The following ODF2L variants were observed in gnomAD, a reference collection of about 807,000 sequenced individuals.
The protein encoded by ODF2L is protein BCAP.
ODF2L carries 76 observed loss-of-function variants against 86.3 expected under a neutral mutation model. That is an observed-to-expected ratio of 0.88 (90% CI 0.73 to 1.07). The LOEUF is 1.07. ODF2L is among the 50% of genes least tolerant of loss of function. ODF2L has a pLI of 0.00. For missense variants in ODF2L, 748 were observed against 717.4 expected, an observed-to-expected ratio of 1.04 and a Z score of -0.49; for synonymous variants, 241 against 231.3, an observed-to-expected ratio of 1.04 and a Z score of -0.38.
chr1:86,393,194 C>G (rs543054409), intron 1 of ODF2L, among the ~76,000 whole-genome samples: 1 of 152,168 alleles, frequency 6.6e-6, no homozygotes, highest in South Asian at 2.1e-4. Context: ...GCATATGAAA[C>G]CTGCACATTT....
intron 7 of ODF2L, 95 bp downstream of exon 7, chr1:86,382,147 T>C (rs996058916): frequency 7.2e-7 from 1 of 1,397,352 alleles, no homozygotes; most frequent in Admixed American, 3.0e-5. Flanking sequence ...CTGTGTATTT[T>C]AAAACCACCA....
At position 86,372,534 on chromosome 1, in the gene ODF2L, T is replaced by A. The variant is rs762745611; in HGVS notation, c.817A>T (p.Lys273Ter). 2 of 1,497,242 alleles carry A rather than the reference T, an allele frequency of 1.3e-6. No individual in the cohort carries two copies. Among genetic ancestry groups the A allele is most frequent in the Admixed American group, 2.5e-5 (1 of 40,572 alleles). The allele number at this position is 1,497,242 out of a possible 1,614,324, so 92.7% of individuals were successfully genotyped here. A position where few individuals can be genotyped will look rare whatever the true frequency, so the allele number is the denominator to read the frequency against. ...GAAGCTGAAATTGTTTCAGACAACT[T>A]GGCTTCCTAAAAAATACATAAAAGT... is the stretch of plus-strand genomic sequence containing the variant. Residue 273 changes from lysine (K) to a stop codon, truncating the protein, a stop_gained, in exon 9 of 18, where the codon AAG (lysine) becomes TAG (stop). Transcript: ENST00000317336. LOFTEE classifies it high-confidence loss of function.
chr1:86,391,186 T>G (rs564459557), intron 1 of ODF2L, among the ~76,000 whole-genome samples: 2 of 152,116 alleles, frequency 1.3e-5, no homozygotes, highest in Non-Finnish European at 2.9e-5. Context: ...AAAGAAATCA[T>G]AGATAACACA....
chr1:86,357,350 A>AT (rs200376282), intron 13 of ODF2L, among the ~76,000 whole-genome samples: 1,923 of 143,934 alleles, frequency 0.013, 68 homozygotes, highest in East Asian at 0.12. Flanking sequence ...ATAATGCAGT[A>AT]TTTTTTTTTT....
downstream of ODF2L, chr1:86,348,488 A>G (rs1216888224): frequency 5.2e-6 from 1 of 191,816 alleles, no homozygotes; most frequent in Non-Finnish European, 1.0e-5. Flanking sequence ...GTGTGAGAAA[A>G]ATATTCTAAC....
intron 14 of ODF2L, among the ~76,000 whole-genome samples, chr1:86,355,765 T>C (rs1195404444): frequency 6.7e-6 from 1 of 149,930 alleles, no homozygotes; most frequent in African/African-American, 2.5e-5. Flanking sequence ...TCCTACTTTT[T>C]AAGTGAGAAA....
intron 1 of ODF2L, among the ~76,000 whole-genome samples, chr1:86,395,376 T>C (rs1219795107): frequency 1.3e-5 from 2 of 152,152 alleles, no homozygotes; most frequent in African/African-American, 4.8e-5. Context: ...CTTAATCTCG[T>C]ATTACAACCA....
chr1:86,355,886 T>TAA (rs1658523734), intron 14 of ODF2L: 1 of 158,634 alleles, frequency 6.3e-6, no homozygotes, highest in Non-Finnish European at 1.4e-5. Flanking sequence ...TGTCACCATC[T>TAA]TTGGACTGCT....
chr1:86,379,382 A>G (rs1018389169), intron 7 of ODF2L, among the ~76,000 whole-genome samples: 4 of 152,228 alleles, frequency 2.6e-5, no homozygotes, highest in Non-Finnish European at 4.4e-5. Context: ...CAAAGATACT[A>G]TAGTGATTAT....
chr1:86,359,549 G>A (rs1389315941), intron 12 of ODF2L, among the ~76,000 whole-genome samples: 2 of 103,698 alleles, frequency 1.9e-5, no homozygotes, highest in Non-Finnish European at 3.6e-5. Context: ...TTGAGATGGA[G>A]TCTTGCTCTG....
At chr1:86,395,031 G>T (rs1256468830) in intron 1 of ODF2L, among the ~76,000 whole-genome samples, 1 of 152,002 alleles carries the variant, frequency 6.6e-6, no homozygotes, top group East Asian at 1.9e-4. Flanking sequence ...TTTTAGTAGA[G>T]ACGGGGTTTC....
At chr1:86,375,964 A>G (rs1660137765) in intron 8 of ODF2L, among the ~76,000 whole-genome samples, 1 of 152,026 alleles carries the variant, frequency 6.6e-6, no homozygotes, top group African/African-American at 2.4e-5. Flanking sequence ...GGCCAATAGA[A>G]CCTTTTTTTG....
In ODF2L at chr1:86,387,097, T is replaced by C. The variant is rs992596281; in HGVS notation, c.-59-11A>G. The C allele has an allele frequency of 1.5e-6, 1 of 689,016 alleles. No individual in the cohort carries two copies. Among genetic ancestry groups the C allele is most frequent in the Middle Eastern group, 3.0e-4 (1 of 3,378 alleles). The allele number at this position is 689,016 out of a possible 1,614,324, so 42.7% of individuals were successfully genotyped here. On this transcript the variant is annotated splice_polypyrimidine_tract_variant and intron_variant, in intron 1 of 17. Transcript: ENST00000317336. ...CACATAAGCTGAAAGCTAGGAAATA[T>C]TTTAGTTATTAAATTTATTTCAATA...
At chr1:86,355,223 TG>T (rs1658449837) in intron 14 of ODF2L, 2 of 682,508 alleles carry the variant, frequency 2.9e-6, no homozygotes, top group Non-Finnish European at 5.0e-6. Context: ...GTTTCTCTTA[TG>T]GTTTTCTGTT....
At chr1:86,384,489 T>A (rs1299544183) in intron 4 of ODF2L, among the ~76,000 whole-genome samples, 187 bp downstream of exon 4, 2 of 151,746 alleles carry the variant, frequency 1.3e-5, no homozygotes, top group East Asian at 3.8e-4. Context: ...AAAATACATT[T>A]TCTATAAAAA....
At chr1:86,372,238 CA>C (rs1659843986) in intron 9 of ODF2L, among the ~76,000 whole-genome samples, 192 bp downstream of exon 9, 1 of 149,808 alleles carries the variant, frequency 6.7e-6, no homozygotes, top group Non-Finnish European at 1.5e-5. Context: ...TTTTAATGAG[CA>C]ATCATTTTAA....
intron 4 of ODF2L, among the ~76,000 whole-genome samples, chr1:86,383,835 A>C (rs1660752349): frequency 6.6e-6 from 1 of 151,802 alleles, no homozygotes; most frequent in East Asian, 1.9e-4. Flanking sequence ...CTTTCTATTC[A>C]AAAAATATTC....
intron 12 of ODF2L, among the ~76,000 whole-genome samples, chr1:86,359,113 A>C (rs886317795): frequency 1.3e-5 from 2 of 152,106 alleles, no homozygotes; most frequent in African/African-American, 4.8e-5. Flanking sequence ...CAATACTTCT[A>C]AACTCTCCAC....
exon 18 of ODF2L, chr1:86,352,128 TTTAACTC>T: frequency 6.8e-7 from 1 of 1,478,190 alleles, no homozygotes; most frequent in Non-Finnish European, 8.9e-7. Flanking sequence ...CCAAAAATCA[TTTAACTC>T]TTGAATCTTT....
Sources: gnomAD v4.1 joint callset for allele counts (sites outside exome capture counted in the v4.1 genomes callset) on GRCh38, gnomAD v4.1.1 for gene constraint, MANE v1.5 for transcripts, NCBI Gene and HGNC (gene_info 2026-07-23, HGNC 2026-07-21) for gene names.